The following VAT1L variants were observed in gnomAD, a reference collection of about 807,000 sequenced individuals.
The protein encoded by VAT1L is putative NADPH-dependent quinone oxidoreductase VAT1L.
In VAT1L, 34 loss-of-function variants were observed where a neutral mutation model predicts 44.1. The ratio of observed to expected loss-of-function variants is 0.77; its 90% CI spans 0.59 to 1.03. The LOEUF (loss-of-function observed/expected upper bound fraction) is 1.03. Among genes scored for constraint, VAT1L ranks in the 50% least tolerant of loss-of-function variants. The pLI is 0.00. For missense variants in VAT1L, 615 were observed against 538.8 expected, an observed-to-expected ratio of 1.14 and a Z score of -1.40; for synonymous variants, 253 against 202.2, an observed-to-expected ratio of 1.25 and a Z score of -2.13.
chr16:77,814,030 T>G (rs757254561), intron 1 of VAT1L, among the ~76,000 whole-genome samples: 6 of 152,178 alleles, frequency 3.9e-5, no homozygotes, highest in Non-Finnish European at 5.9e-5. Flanking sequence ...TTTGACACTT[T>G]GAAAAGATGT....
At chr16:77,839,446 G>T (rs2016678621) in intron 3 of VAT1L, among the ~76,000 whole-genome samples, 1 of 144,404 alleles carries the variant, frequency 6.9e-6, no homozygotes, top group African/African-American at 2.5e-5. Context: ...TGAGGCAGGA[G>T]AATGGTGTGA....
intron 7 of VAT1L, among the ~76,000 whole-genome samples, chr16:77,907,483 G>A (rs1211497808): frequency 6.6e-6 from 1 of 152,142 alleles, no homozygotes; most frequent in Non-Finnish European, 1.5e-5. Context: ...GCAGCCCTAG[G>A]CACCAGGCCT....
intron 4 of VAT1L, among the ~76,000 whole-genome samples, chr16:77,870,392 C>T (rs1317905834): frequency 6.6e-6 from 1 of 152,186 alleles, no homozygotes; most frequent in African/African-American, 2.4e-5. Context: ...GCCAAAGACC[C>T]AGCTGGAGAG....
intron 7 of VAT1L, among the ~76,000 whole-genome samples, chr16:77,920,825 C>A (rs1455131821): frequency 6.6e-6 from 1 of 152,060 alleles, no homozygotes; most frequent in Non-Finnish European, 1.5e-5. Flanking sequence ...TAGGCTATAC[C>A]GTCAAGGTTT....
intron 3 of VAT1L, among the ~76,000 whole-genome samples, chr16:77,845,760 A>G (rs173855): frequency 0.6 from 91,809 of 151,930 alleles, 28,305 homozygotes; most frequent in East Asian, 0.73. Context: ...CTGCCTGGCA[A>G]GTTTCTATTC....
chr16:77,789,732 C>G (rs1188261166), intron 1 of VAT1L, among the ~76,000 whole-genome samples: 1 of 152,140 alleles, frequency 6.6e-6, no homozygotes, highest in Non-Finnish European at 1.5e-5. Flanking sequence ...AATTCCTGGT[C>G]CCATCTCAGA....
chr16:77,879,705 T>C lies in VAT1L; in HGVS notation c.882+481T>C, dbSNP rs927013891. ...AAATGGTCAGGACCAGAATTTAGACTACTTTTGTCTAAATGAAACAGAGAG... is the reference window on the plus strand; with the variant it reads ...AAATGGTCAGGACCAGAATTTAGACCACTTTTGTCTAAATGAAACAGAGAG... On this transcript the variant is annotated intron_variant, in intron 6 of 8. Coordinates refer to ENST00000302536, the MANE Select transcript of VAT1L (RefSeq NM_020927.3). The surrounding 1 kb of genome is among the most constrained non-coding windows in gnomAD (Gnocchi z 4.1). Among the ~76,000 whole-genome samples the C allele has an allele frequency of 1.3e-5, 2 of 152,240 alleles. No homozygotes were observed. The highest frequency in any genetic ancestry group is 6.5e-5 in the Admixed American group (1 of 15,284).
intron 7 of VAT1L, among the ~76,000 whole-genome samples, chr16:77,953,703 C>T (rs1236800485): frequency 6.6e-6 from 1 of 152,004 alleles, no homozygotes; most frequent in South Asian, 2.1e-4. Flanking sequence ...TTTTCATTGC[C>T]CAAGCTGGTC....
At chr16:77,802,615 AACACAC>A (rs57906062) in intron 1 of VAT1L, among the ~76,000 whole-genome samples, 16,177 of 111,244 alleles carry the variant, frequency 0.15, 927 homozygotes, top group Admixed American at 0.18. Context: ...CCCCATCTCA[AACACAC>A]ACACACACAC....
chr16:77,897,404 T>C (rs2017335473), intron 7 of VAT1L, among the ~76,000 whole-genome samples: 1 of 152,182 alleles, frequency 6.6e-6, no homozygotes, highest in Non-Finnish European at 1.5e-5. Context: ...ACACGAGGCA[T>C]ATTATAATGT....
chr16:77,915,029 G>A (rs2142488640), intron 7 of VAT1L, among the ~76,000 whole-genome samples: 1 of 152,270 alleles, frequency 6.6e-6, no homozygotes. Context: ...GGAGGCTGAG[G>A]CAGGAGAATC....
At chr16:77,934,948 T>G (rs566978912) in intron 7 of VAT1L, among the ~76,000 whole-genome samples, 1 of 152,264 alleles carries the variant, frequency 6.6e-6, no homozygotes, top group South Asian at 2.1e-4. Flanking sequence ...GACCTGCCTG[T>G]CATTTTACCT....
intron 7 of VAT1L, among the ~76,000 whole-genome samples, chr16:77,962,468 C>T (rs559759965): frequency 6.6e-6 from 1 of 152,044 alleles, no homozygotes; most frequent in Non-Finnish European, 1.5e-5. Flanking sequence ...CTAAGTGGGG[C>T]CCAGGTCTCA....
chr16:77,914,955 G>A (rs1002631276), intron 7 of VAT1L, among the ~76,000 whole-genome samples: 4 of 152,110 alleles, frequency 2.6e-5, no homozygotes, highest in Non-Finnish European at 4.4e-5. Flanking sequence ...GAGAAACCCC[G>A]TCTCTACTAA....
intron 3 of VAT1L, among the ~76,000 whole-genome samples, chr16:77,862,340 C>G (rs946470733): frequency 8.5e-5 from 13 of 152,208 alleles, no homozygotes; most frequent in African/African-American, 2.9e-4. Flanking sequence ...GCCCCCCGGG[C>G]ACAGTGGCTT....
intron 4 of VAT1L, among the ~76,000 whole-genome samples, chr16:77,874,106 G>C (rs1423776433): frequency 6.6e-6 from 1 of 152,068 alleles, no homozygotes; most frequent in Non-Finnish European, 1.5e-5. Context: ...GGGCATCAGA[G>C]GACAAAAATT....
At chr16:77,849,786 C>T (rs1451874514) in intron 3 of VAT1L, among the ~76,000 whole-genome samples, 5 of 152,206 alleles carry the variant, frequency 3.3e-5, no homozygotes, top group African/African-American at 9.6e-5. Context: ...ATCCAGAAGC[C>T]TCCGATGTCA....
chr16:77,797,879 C>T (rs976387699), intron 1 of VAT1L, among the ~76,000 whole-genome samples: 1 of 152,170 alleles, frequency 6.6e-6, no homozygotes, highest in African/African-American at 2.4e-5. Flanking sequence ...AGTTTGATTC[C>T]TCTGTGTGTG....
chr16:77,900,199 G>A (rs1400751607), intron 7 of VAT1L, among the ~76,000 whole-genome samples: 1 of 152,134 alleles, frequency 6.6e-6, no homozygotes, highest in Non-Finnish European at 1.5e-5. Flanking sequence ...AAGGTAATTT[G>A]CACAAGGTAG....
Sources: gnomAD v4.1 joint callset for allele counts (sites outside exome capture counted in the v4.1 genomes callset) on GRCh38, gnomAD v4.1.1 for gene constraint, Gnocchi (gnomAD v3.1) non-coding constraint, MANE v1.5 for transcripts, NCBI Gene and HGNC (gene_info 2026-07-23, HGNC 2026-07-21) for gene names.